Variants in FBN2 observed in about 807,000 individuals in gnomAD.
FBN2 encodes fibrillin 2.
FBN2 carries 105 observed loss-of-function variants against 355.6 expected under a neutral mutation model. That is an observed-to-expected ratio of 0.30 (90% CI 0.25 to 0.35). The LOEUF (loss-of-function observed/expected upper bound fraction) is 0.35, where lower values mean the gene tolerates loss of function less well. Ranked by LOEUF, FBN2 falls within the 10% of genes least tolerant of loss-of-function variation. The pLI is 1.00. For missense variants in FBN2, 3,280 were observed against 3,758.7 expected, an observed-to-expected ratio of 0.87 and a Z score of 3.33; for synonymous variants, 1,350 against 1,301.2, an observed-to-expected ratio of 1.04 and a Z score of -0.81.
intron 16 of FBN2, 96 bp from the exon 17 acceptor site, chr5:128,366,526 T>C (rs1206468395): frequency 1.4e-6 from 1 of 697,318 alleles, no homozygotes; most frequent in Non-Finnish European, 2.5e-6. Context: ...TTAGGAAGAA[T>C]TATTTGTGCA....
chr5:128,518,805 A>G (rs1756354417), intron 5 of FBN2, among the ~76,000 whole-genome samples: 1 of 152,192 alleles, frequency 6.6e-6, no homozygotes. Flanking sequence ...TAACAGGGTA[A>G]AAGCCTTGAT....
chr5:128,314,896 C>T lies in FBN2; in HGVS notation c.4718-2101G>A, dbSNP rs920009432. 5.3e-5 allele frequency among the ~76,000 whole-genome samples: 8 copies of T among 152,036 alleles called. No homozygotes were observed. The South Asian group carries it at 1.2e-3, about 24-fold the overall frequency. On this transcript the variant is annotated intron_variant, in intron 36 of 64. Transcript: ENST00000262464. ...CTGTAAACCTCCAGTCTGTCAACTC[C>T]GTGGTGTATAATTGCTTTTAAAAAA...
At chr5:128,454,119 G>A (rs1754325075) in intron 6 of FBN2, among the ~76,000 whole-genome samples, 1 of 151,982 alleles carries the variant, frequency 6.6e-6, no homozygotes, top group South Asian at 2.1e-4. Context: ...GCTCTTAGTA[G>A]GTTCAAACAC....
chr5:128,517,972 C>T (rs575416093), intron 5 of FBN2, among the ~76,000 whole-genome samples: 7 of 151,946 alleles, frequency 4.6e-5, no homozygotes, highest in African/African-American at 7.2e-5. Flanking sequence ...TGTTATGGCT[C>T]GATGCTAGTT....
At chr5:128,468,037 T>G (rs1202767206) in intron 5 of FBN2, among the ~76,000 whole-genome samples, 4 of 152,176 alleles carry the variant, frequency 2.6e-5, no homozygotes, top group African/African-American at 9.6e-5. Context: ...TTTATTGAAT[T>G]ATGCAACCAT....
chr5:128,525,848 T>C (rs1377050915), intron 4 of FBN2, among the ~76,000 whole-genome samples: 1 of 152,118 alleles, frequency 6.6e-6, no homozygotes, highest in African/African-American at 2.4e-5. Context: ...CAAGTGAAAA[T>C]TGTGTGAAAT....
intron 20 of FBN2, among the ~76,000 whole-genome samples, chr5:128,356,930 T>C (rs1751516324): frequency 6.6e-6 from 1 of 152,234 alleles, no homozygotes; most frequent in African/African-American, 2.4e-5. Context: ...CATTGAAGTT[T>C]GTTTATAAAA....
intron 8 of FBN2, among the ~76,000 whole-genome samples, chr5:128,406,439 T>C (rs1206124772): frequency 6.6e-6 from 1 of 152,206 alleles, no homozygotes; most frequent in Admixed American, 6.5e-5. Context: ...TTTCTTTCCT[T>C]TCCTTGCTAA....
At chr5:128,271,000 A>T (rs536936136) in intron 62 of FBN2, among the ~76,000 whole-genome samples, 14 of 152,186 alleles carry the variant, frequency 9.2e-5, no homozygotes, top group Non-Finnish European at 2.1e-4. Context: ...CTATGAGTGT[A>T]TATTCGTGGT....
intron 15 of FBN2, among the ~76,000 whole-genome samples, chr5:128,374,178 G>A (rs1337031572): frequency 6.6e-6 from 1 of 151,882 alleles, no homozygotes; most frequent in Non-Finnish European, 1.5e-5. Flanking sequence ...GCTATCTGGG[G>A]GTTCCTGTCC....
chr5:128,387,250 A>G (rs1036304147), intron 11 of FBN2, among the ~76,000 whole-genome samples: 4 of 151,642 alleles, frequency 2.6e-5, no homozygotes, highest in African/African-American at 9.7e-5. Context: ...AAGGTTTTCT[A>G]GTTTGTGTGC....
chr5:128,338,205 C>T (rs767176101), intron 26 of FBN2, 83 bp from the exon 27 acceptor site: 5 of 1,353,412 alleles, frequency 3.7e-6, no homozygotes, highest in Admixed American at 3.6e-5. Context: ...AGAATATTAT[C>T]TGATGTGAGA....
rs557449454 is a variant in FBN2 at position 128,346,346 on chromosome 5, G to C, written c.2990-762C>G. On this transcript the variant is annotated intron_variant, in intron 23 of 64. Coordinates refer to ENST00000262464, the MANE Select transcript of FBN2 (RefSeq NM_001999.4). Reference sequence around the variant, plus strand: ...TCAAATCATACTAAAGCACTTGGCTGTTTAATTACAAATATGGATAATGAG... The same window carrying C: ...TCAAATCATACTAAAGCACTTGGCTCTTTAATTACAAATATGGATAATGAG... 1.7e-4 allele frequency among the ~76,000 whole-genome samples: 26 copies of C among 152,306 alleles called. No homozygotes were observed. In the South Asian group the frequency reaches 5.4e-3, roughly 32 times the overall value.
chr5:128,473,913 A>T (rs1754941591), intron 5 of FBN2, among the ~76,000 whole-genome samples: 1 of 152,204 alleles, frequency 6.6e-6, no homozygotes. Flanking sequence ...TAATACCATC[A>T]TGTAATATTT....
Position 128,332,897 on chromosome 5 carries a change from C to A in FBN2, c.4222+15G>T, listed in dbSNP as rs1210112069. On this transcript the variant is annotated intron_variant, in intron 32 of 64. Coordinates refer to ENST00000262464, the MANE Select transcript of FBN2 (RefSeq NM_001999.4). ...TTTGTGCCTTAGCAAAGGATATTTA[C>A]ATTTGCAAACTCACCAATACACTTG... The A allele has an allele frequency of 1.2e-6, 2 of 1,613,564 alleles. No individual in the cohort carries two copies. Among genetic ancestry groups the A allele is most frequent in the Non-Finnish European group, 1.7e-6 (2 of 1,179,530 alleles).
chr5:128,291,500 T>G, intron 49 of FBN2, 29 bp downstream of exon 49: 1 of 1,613,028 alleles, frequency 6.2e-7, no homozygotes, highest in East Asian at 2.2e-5. Flanking sequence ...AAGCGTGAAC[T>G]GTGACAGTGA....
Position 128,527,913 on chromosome 5 carries a change from C to A in FBN2, c.491G>T (p.Cys164Phe). The change falls in exon 4 of 65, where the codon TGC (cysteine) becomes TTC (phenylalanine). Residue 164 changes from cysteine (C) to phenylalanine (F), a missense_variant. By Grantham distance (205) the Cys-to-Phe change is radical. This residue lies in a region of FBN2 where 130 missense variants were observed against 189.9 expected (regional missense o/e 0.68). Transcript: ENST00000262464. ...TCCAATATATCCTTTCTGGCACTGG[C>A]AGTGGTCATCTGCACAGGTCCCACC... Reference protein sequence around the residue: ...MNGGTCADDHCQCQKGYIGTY... With the variant: ...MNGGTCADDHFQCQKGYIGTY... 6.2e-7 allele frequency: 1 copy of A among 1,612,586 alleles called. No individual in the cohort carries two copies. The highest frequency in any genetic ancestry group is 8.5e-7 in the Non-Finnish European group (1 of 1,178,924).
rs469294 is a variant in FBN2, at chr5:128,309,595, T to A, written c.5201-196A>T. Among the ~76,000 whole-genome samples the A allele has an allele frequency of 0.8, 121,566 of 152,004 alleles. 48,936 individuals are homozygous for A. Among genetic ancestry groups the A allele is most frequent in the East Asian group, 0.98 (5,100 of 5,188 alleles). On this transcript the variant is annotated intron_variant, in intron 40 of 64. Transcript: ENST00000262464. The stretch of plus-strand genomic sequence containing the variant: ...AACATCTCTCCTTTATCCTTAAAGG[T>A]TTTCACTTATAATTTTCTTGGGAGA...
chr5:128,474,767 T>G (rs1326391336), intron 5 of FBN2, among the ~76,000 whole-genome samples: 1 of 152,056 alleles, frequency 6.6e-6, no homozygotes, highest in Non-Finnish European at 1.5e-5. Context: ...AACAAAAACC[T>G]CTCTCTATGA....
Sources: gnomAD v4.1 joint callset for allele counts (sites outside exome capture counted in the v4.1 genomes callset) on GRCh38, gnomAD v4.1.1 for gene constraint, gnomAD v4.1.1 regional missense constraint, MANE v1.5 for transcripts, NCBI Gene and HGNC (gene_info 2026-07-23, HGNC 2026-07-21) for gene names.